CDH13: variants seen among roughly 807,000 people sequenced by gnomAD.
The protein encoded by CDH13 is cadherin 13.
CDH13 carries 24 observed loss-of-function variants against 63.8 expected under a neutral mutation model. The observed-to-expected ratio is 0.38, with a 90% CI of 0.27 to 0.53. The LOEUF (loss-of-function observed/expected upper bound fraction) is 0.53, where lower values mean the gene tolerates loss of function less well. Ranked by LOEUF, CDH13 falls within the 20% of genes least tolerant of loss-of-function variation. The pLI, the probability that CDH13 is intolerant of heterozygous loss-of-function variation, is 0.85. For synonymous variants in CDH13, 503 were observed against 355.3 expected (o/e 1.42, Z -4.67); for missense variants, 1,049 against 903.1 (o/e 1.16, Z -2.07).
rs116762006 is a variant in CDH13, at chr16:83,751,797, G to A, written c.1681+3547G>A. Among the ~76,000 whole-genome samples, 1,099 of 152,330 alleles carry A rather than the reference G, an allele frequency of 7.2e-3. 19 individuals carry two copies. The highest frequency in any genetic ancestry group is 0.025 in the African/African-American group (1,054 of 41,578). The stretch of plus-strand genomic sequence containing the variant: ...AGAGAAATGCAATATTCAGGTTTCT[G>A]GTCCAGAAATCAGGAATGACTATTT... On this transcript the variant is annotated intron_variant, in intron 11 of 13. Coordinates refer to ENST00000567109, the MANE Select transcript of CDH13 (RefSeq NM_001257.5).
intron 3 of CDH13, among the ~76,000 whole-genome samples, chr16:83,079,297 T>C (rs895596924): frequency 6.6e-6 from 1 of 152,348 alleles, no homozygotes; most frequent in East Asian, 1.9e-4. Flanking sequence ...CCTTCTTTTA[T>C]TAACCTTGCC....
At chr16:83,106,482 G>A (rs1032834695) in intron 3 of CDH13, among the ~76,000 whole-genome samples, 2 of 152,168 alleles carry the variant, frequency 1.3e-5, no homozygotes, top group Admixed American at 6.5e-5. Context: ...CAGAGGTTGC[G>A]GTGGGCCGAG....
intron 7 of CDH13, among the ~76,000 whole-genome samples, chr16:83,513,863 C>G (rs951067908): frequency 6.6e-5 from 10 of 152,144 alleles, no homozygotes; most frequent in Admixed American, 2.0e-4. Context: ...TTATTGCCAG[C>G]CTCTCTAGTC....
chr16:83,273,796 G>A (rs1567555804), intron 5 of CDH13, among the ~76,000 whole-genome samples: 1 of 152,138 alleles, frequency 6.6e-6, no homozygotes, highest in African/African-American at 2.4e-5. Flanking sequence ...TAACTACGCA[G>A]CGAGGTAAGT....
intron 5 of CDH13, among the ~76,000 whole-genome samples, chr16:83,316,937 G>A (rs78447650): frequency 1.3e-5 from 2 of 152,172 alleles, no homozygotes; most frequent in East Asian, 1.9e-4. Flanking sequence ...CCACGGCTTC[G>A]CCTTTCTTCT....
intron 1 of CDH13, among the ~76,000 whole-genome samples, chr16:82,800,070 A>T (rs1049913680): frequency 6.6e-6 from 1 of 152,232 alleles, no homozygotes; most frequent in Non-Finnish European, 1.5e-5. Flanking sequence ...TGCCATGTTT[A>T]TTAAAAGACA....
chr16:83,637,228 C>G (rs555060871), intron 8 of CDH13, among the ~76,000 whole-genome samples: 1 of 151,052 alleles, frequency 6.6e-6, no homozygotes, highest in Non-Finnish European at 1.5e-5. Context: ...TCAAAAACGT[C>G]TAATAGAAAA....
intron 1 of CDH13, among the ~76,000 whole-genome samples, chr16:82,810,281 T>A (rs763236822): frequency 5.3e-5 from 8 of 152,114 alleles, no homozygotes; most frequent in African/African-American, 7.2e-5. Context: ...AGCGGCTCAT[T>A]AGGCAGAACC....
chr16:83,149,907 G>A (rs2036903283), intron 4 of CDH13, among the ~76,000 whole-genome samples: 2 of 152,164 alleles, frequency 1.3e-5, no homozygotes, highest in Admixed American at 6.5e-5. Flanking sequence ...CTTCTTCCCA[G>A]AGAATTGGCT....
In CDH13 at chr16:83,457,700, A is replaced by G. The variant is rs111547162; in HGVS notation, c.782-28777A>G. On this transcript the variant is annotated intron_variant, in intron 6 of 13. Transcript: ENST00000567109. ...AGACAGGGAACCAGCAGGCCAGGCC[A>G]TGCAAGCCTTGCAGCTAAAAGACAG... Among the ~76,000 whole-genome samples the G allele has an allele frequency of 9.2e-5, 14 of 152,150 alleles. 3 individuals carry two copies. The highest frequency in any genetic ancestry group is 3.4e-4 in the African/African-American group (14 of 41,492).
chr16:82,750,709 A>T (rs562248573), intron 1 of CDH13, among the ~76,000 whole-genome samples: 1 of 152,234 alleles, frequency 6.6e-6, no homozygotes, highest in African/African-American at 2.4e-5. Context: ...TGGACAGAAC[A>T]GTAAGGAGAA....
At chr16:83,731,288 A>G (rs28830840) in intron 10 of CDH13, among the ~76,000 whole-genome samples, 26,953 of 152,082 alleles carry the variant, frequency 0.18, 2,450 homozygotes, top group Middle Eastern at 0.22. Flanking sequence ...CCAACAGTGT[A>G]TAAGAGTTCC....
intron 2 of CDH13, among the ~76,000 whole-genome samples, chr16:82,860,093 C>G (rs773134315): frequency 2.6e-5 from 4 of 152,090 alleles, no homozygotes; most frequent in Non-Finnish European, 5.9e-5. Flanking sequence ...AACCATTTTT[C>G]TGGCTCTCCT....
At chr16:83,086,442 C>G (rs552958852) in intron 3 of CDH13, among the ~76,000 whole-genome samples, 5 of 152,064 alleles carry the variant, frequency 3.3e-5, no homozygotes, top group Non-Finnish European at 7.3e-5. Context: ...ATTAGGGTGA[C>G]GATGGTTGTA....
At position 83,032,219 on chromosome 16, in the gene CDH13, G is replaced by A. The variant is rs1205449282; in HGVS notation, c.366+1G>A. ...GAAAGACATCCAGGGCTCCTTGCAGGTAACACATCTGTTTGAGATAACTTG... is the reference window on the plus strand; with the variant it reads ...GAAAGACATCCAGGGCTCCTTGCAGATAACACATCTGTTTGAGATAACTTG... On this transcript the variant is annotated splice_donor_variant, in intron 3 of 13. Transcript: ENST00000567109. LOFTEE classifies it high-confidence loss of function. 1 of 1,611,606 alleles carries A rather than the reference G, an allele frequency of 6.2e-7. No homozygotes were observed. The highest frequency in any genetic ancestry group is 1.7e-5 in the Admixed American group (1 of 59,940).
At chr16:83,120,247 G>A (rs1028444698) in intron 3 of CDH13, among the ~76,000 whole-genome samples, 41 of 152,084 alleles carry the variant, frequency 2.7e-4, no homozygotes, top group African/African-American at 9.2e-4. Context: ...TCTGGGATGC[G>A]CCGTAATAAT....
intron 6 of CDH13, among the ~76,000 whole-genome samples, chr16:83,443,265 G>A (rs1042374640): frequency 6.6e-6 from 1 of 152,144 alleles, no homozygotes; most frequent in African/African-American, 2.4e-5. Flanking sequence ...CACCCCTGGG[G>A]AGGCCACGCC....
chr16:83,481,569 G>A (rs754890510), intron 6 of CDH13, among the ~76,000 whole-genome samples: 2 of 152,162 alleles, frequency 1.3e-5, no homozygotes. Flanking sequence ...GGGCTACCTG[G>A]CCACAAGGAA....
At chr16:83,643,142 G>T (rs1219292581) in intron 8 of CDH13, among the ~76,000 whole-genome samples, 1 of 56,124 alleles carries the variant, frequency 1.8e-5, no homozygotes, top group Non-Finnish European at 3.2e-5. Context: ...GTGGGGTCGG[G>T]GGAGGGGGGA....
Sources: allele counts gnomAD v4.1 joint callset (sites outside exome capture counted in the v4.1 genomes callset), GRCh38; gene constraint gnomAD v4.1.1; transcripts MANE v1.5; gene names NCBI Gene and HGNC (gene_info 2026-07-23, HGNC 2026-07-21).